Variants in CUL5 observed in about 807,000 individuals in gnomAD.
CUL5 encodes the protein cullin 5.
A neutral mutation model predicts 108.8 loss-of-function variants in CUL5; 26 were observed. That is an observed-to-expected ratio of 0.24 (90% confidence interval 0.18 to 0.33). The LOEUF is 0.33. Among genes scored for constraint, CUL5 ranks in the 10% least tolerant of loss-of-function variants. CUL5 has a pLI of 1.00. For missense variants in CUL5, 524 were observed against 909.2 expected (o/e 0.58, Z 5.45); for synonymous variants, 334 against 298.0 (o/e 1.12, Z -1.25).
At chr11:108,086,750 T>G (rs10890809) in intron 11 of CUL5, among the ~76,000 whole-genome samples, 5 of 152,128 alleles carry the variant, frequency 3.3e-5, no homozygotes, top group African/African-American at 1.2e-4. Context: ...ATTCCCAGTT[T>G]GCAAAGAAAG....
Position 108,098,241 on chromosome 11 carries a change from C to T in CUL5, c.2025-165C>T, listed in dbSNP as rs533498956. Among the ~76,000 whole-genome samples the T allele has an allele frequency of 2.4e-4, 37 of 152,254 alleles. No homozygotes were observed. In the South Asian group the frequency reaches 7.7e-3, roughly 32 times the overall value. The stretch of plus-strand genomic sequence containing the variant: ...TTAGTTATCATGTTTAAGGAAAATA[C>T]ATAGAGTTTGTTTTAAAGCAATATG... On this transcript the variant is annotated intron_variant, in intron 17 of 18. Coordinates refer to ENST00000393094, the MANE Select transcript of CUL5 (RefSeq NM_003478.6).
chr11:108,030,198 C>A (rs1862544453), intron 1 of CUL5, among the ~76,000 whole-genome samples: 1 of 152,140 alleles, frequency 6.6e-6, no homozygotes, highest in African/African-American at 2.4e-5. Flanking sequence ...TCTGAATTTC[C>A]CAGTAGCCAA....
At chr11:108,092,844 T>C (rs1401682465) in intron 13 of CUL5, among the ~76,000 whole-genome samples, 1 of 152,174 alleles carries the variant, frequency 6.6e-6, no homozygotes, top group Non-Finnish European at 1.5e-5. Flanking sequence ...TGAGACAGAG[T>C]CTCACTTTGT....
At chr11:108,044,436 A>C (rs958068444) in intron 2 of CUL5, among the ~76,000 whole-genome samples, 4 of 151,906 alleles carry the variant, frequency 2.6e-5, no homozygotes, top group African/African-American at 9.7e-5. Flanking sequence ...TGAGCCCAGG[A>C]GGTTGAGGCT....
At chr11:108,033,944 A>G in intron 2 of CUL5, 33 bp downstream of exon 2, 1 of 1,349,592 alleles carries the variant, frequency 7.4e-7, no homozygotes, top group East Asian at 2.3e-5. Context: ...TTGCTAGCAT[A>G]AAGGAAATTT....
intron 15 of CUL5, among the ~76,000 whole-genome samples, 182 bp from the exon 16 acceptor site, chr11:108,095,348 A>T (rs762795950): frequency 5.9e-5 from 9 of 152,202 alleles, no homozygotes; most frequent in African/African-American, 1.2e-4. Context: ...ATTTTGTTAC[A>T]TGGAAAGCTG....
intron 11 of CUL5, among the ~76,000 whole-genome samples, chr11:108,080,470 A>G (rs765239656): frequency 6.6e-6 from 1 of 151,884 alleles, no homozygotes. Context: ...ATCTTGTCTT[A>G]CTGCAACATC....
At chr11:108,079,608 C>T (rs1448069715) in intron 11 of CUL5, among the ~76,000 whole-genome samples, 1 of 152,114 alleles carries the variant, frequency 6.6e-6, no homozygotes, top group Non-Finnish European at 1.5e-5. Flanking sequence ...TGTTTTTAGG[C>T]AAAATTTATA....
At chr11:108,079,535 G>A (rs1465067145) in intron 11 of CUL5, among the ~76,000 whole-genome samples, 1 of 152,122 alleles carries the variant, frequency 6.6e-6, no homozygotes, top group Non-Finnish European at 1.5e-5. Flanking sequence ...GAAGTTGCAG[G>A]CATCAGTAAC....
chr11:108,104,176 ATT>A lies in CUL5; in HGVS notation c.2149-9_2149-8del. On this transcript the variant is annotated splice_polypyrimidine_tract_variant and intron_variant, in intron 18 of 18. Coordinates refer to ENST00000393094, the MANE Select transcript of CUL5 (RefSeq NM_003478.6). ...CGTATATTAATGCGCTTTTATTTTT[ATT>A]TTTTCTTTTAGGAAGCTATCATACA... is the stretch of plus-strand genomic sequence containing the variant. 1.3e-6 allele frequency: 2 copies of A among 1,513,408 alleles called. No individual in the cohort carries two copies. Among genetic ancestry groups the A allele is most frequent in the Non-Finnish European group, 1.8e-6 (2 of 1,118,332 alleles). 93.7% of individuals were successfully genotyped at this position (1,513,408 alleles called of 1,614,324 possible). A position where few individuals can be genotyped will look rare whatever the true frequency, so the allele number is the denominator to read the frequency against.
At chr11:108,064,045 A>G (rs576983948) in intron 7 of CUL5, among the ~76,000 whole-genome samples, 1 of 152,306 alleles carries the variant, frequency 6.6e-6, no homozygotes, top group South Asian at 2.1e-4. Flanking sequence ...TCCTCTAACT[A>G]CAACTTCCAG....
chr11:108,049,634 G>A (rs901744321), intron 3 of CUL5, among the ~76,000 whole-genome samples: 4 of 152,030 alleles, frequency 2.6e-5, no homozygotes, highest in African/African-American at 4.8e-5. Context: ...GAGCCACCAC[G>A]CCTGGCCCAT....
At chr11:108,028,159 C>A (rs1862495666) in intron 1 of CUL5, among the ~76,000 whole-genome samples, 1 of 152,122 alleles carries the variant, frequency 6.6e-6, no homozygotes, top group Non-Finnish European at 1.5e-5. Context: ...TATTGGACTG[C>A]CTATTCAACA....
At chr11:108,086,077 A>G (rs1471560001) in intron 11 of CUL5, among the ~76,000 whole-genome samples, 6 of 152,200 alleles carry the variant, frequency 3.9e-5, no homozygotes, top group Non-Finnish European at 8.8e-5. Flanking sequence ...ACCATATATA[A>G]TTGGAGTCAT....
At chr11:108,068,190 T>C (rs1488123430) in intron 7 of CUL5, among the ~76,000 whole-genome samples, 1 of 152,204 alleles carries the variant, frequency 6.6e-6, no homozygotes, top group Non-Finnish European at 1.5e-5. Flanking sequence ...AGTGCTGGGA[T>C]TATAGGCTAT....
intron 8 of CUL5, among the ~76,000 whole-genome samples, 173 bp downstream of exon 8, chr11:108,070,362 A>C (rs965934243): frequency 2.0e-5 from 3 of 152,180 alleles, no homozygotes; most frequent in Admixed American, 6.5e-5. Flanking sequence ...GGCACTGCTA[A>C]GAGTATATAA....
chr11:108,012,523 C>CTT (rs34312194), intron 1 of CUL5, among the ~76,000 whole-genome samples: 7 of 134,078 alleles, frequency 5.2e-5, no homozygotes, highest in African/African-American at 1.7e-4. Flanking sequence ...TCCCCTCTTA[C>CTT]TTTTTTTTTT....
At chr11:108,069,409 A>G (rs1863767844) in intron 7 of CUL5, among the ~76,000 whole-genome samples, 1 of 152,092 alleles carries the variant, frequency 6.6e-6, no homozygotes, top group African/African-American at 2.4e-5. Flanking sequence ...CTTCTCTACC[A>G]TTTTAAGCTT....
chr11:108,094,289 G>T, intron 13 of CUL5, 102 bp from the exon 14 acceptor site: 1 of 868,506 alleles, frequency 1.2e-6, no homozygotes, highest in Non-Finnish European at 1.7e-6. Flanking sequence ...GAAAAATTTT[G>T]TATTAAAACA....
Sources: allele counts gnomAD v4.1 joint callset (sites outside exome capture counted in the v4.1 genomes callset), GRCh38; gene constraint gnomAD v4.1.1; transcripts MANE v1.5; gene names NCBI Gene and HGNC (gene_info 2026-07-23, HGNC 2026-07-21).